The following C1D variants were observed in gnomAD, a reference collection of about 807,000 sequenced individuals.
The protein encoded by C1D is C1D nuclear receptor corepressor, also known as nuclear nucleic acid-binding protein C1D.
In C1D, 10 loss-of-function variants were observed where a neutral mutation model predicts 17.5. That is an observed-to-expected ratio of 0.57 (90% confidence interval 0.35 to 0.97). The LOEUF is 0.97. Ranked by LOEUF, C1D falls within the 50% of genes least tolerant of loss-of-function variation. C1D has a pLI of 0.01. For synonymous variants in C1D, 49 were observed against 54.0 expected (o/e 0.91, Z 0.40); for missense variants, 136 against 160.1 (o/e 0.85, Z 0.81).
chr2:68,047,386 A>G, intron 1 of C1D, 67 bp from the exon 2 acceptor site: 1 of 1,272,238 alleles, frequency 7.9e-7, no homozygotes, highest in Middle Eastern at 1.9e-4. Context: ...TCCAAAAAAA[A>G]AAATCAATAG....
At chr2:68,053,126 C>A in intron 1 of C1D, 1 of 1,550,906 alleles carries the variant, frequency 6.4e-7, no homozygotes, top group Non-Finnish European at 8.7e-7. Flanking sequence ...CATACTCCTT[C>A]TAAAACACTG....
chr2:68,046,337 C>T lies in C1D; in HGVS notation c.205+7G>A, dbSNP rs1219865208. ...CTTTCTAATTAATTCCAAAGTAACACACATACCCCAAAACATTGAATTTAA... is the reference window on the plus strand; with the variant it reads ...CTTTCTAATTAATTCCAAAGTAACATACATACCCCAAAACATTGAATTTAA... On this transcript the variant is annotated splice_region_variant and intron_variant, in intron 3 of 4. Coordinates refer to ENST00000410067, the MANE Select transcript of C1D (RefSeq NM_173177.3). 4.4e-6 allele frequency: 7 copies of T among 1,604,066 alleles called. No homozygotes were observed. The highest frequency in any genetic ancestry group is 6.0e-6 in the Non-Finnish European group (7 of 1,172,972).
chr2:68,054,277 C>CTT (rs1671374473), intron 1 of C1D, among the ~76,000 whole-genome samples: 6 of 152,176 alleles, frequency 3.9e-5, no homozygotes, highest in Non-Finnish European at 8.8e-5. Flanking sequence ...AGCTGGAGAA[C>CTT]AGAAGCATCA....
At chr2:68,061,954 G>C (rs1230433357) in intron 1 of C1D, among the ~76,000 whole-genome samples, 3 of 152,190 alleles carry the variant, frequency 2.0e-5, no homozygotes, top group Admixed American at 6.5e-5. Flanking sequence ...ACAAAACAAT[G>C]AGTTCTATCA....
At chr2:68,055,662 T>C (rs376245634) in intron 1 of C1D, among the ~76,000 whole-genome samples, 10 of 152,196 alleles carry the variant, frequency 6.6e-5, no homozygotes, top group East Asian at 3.8e-4. Flanking sequence ...TTATTGATAA[T>C]TCTGTCATCT....
In C1D at chr2:68,041,317, T is replaced by G. The variant is rs1039082899; in HGVS notation, c.*1572A>C. 2.0e-5 allele frequency: 3 copies of G among 152,074 alleles called. No homozygotes were observed. Among genetic ancestry groups the G allele is most frequent in the Non-Finnish European group, 4.4e-5 (3 of 67,894 alleles). 9.4% of individuals were successfully genotyped at this position (152,074 alleles called of 1,614,324 possible). ...TTAGCTAAAACCAATAATGATTTTC[T>G]GCAATTGTATAACATTTTTCATTTA... On this transcript the variant is annotated 3_prime_UTR_variant, in exon 5 of 5. Transcript: ENST00000410067.
intron 3 of C1D, 131 bp from the exon 4 acceptor site, chr2:68,046,174 T>C (rs7565872): frequency 2.4e-6 from 2 of 824,796 alleles, no homozygotes; most frequent in Non-Finnish European, 3.8e-6. Flanking sequence ...TCAATTTCCA[T>C]GTAATACTAA....
At chr2:68,053,541 T>A (rs1046827007) in intron 1 of C1D, among the ~76,000 whole-genome samples, 13 of 152,344 alleles carry the variant, frequency 8.5e-5, no homozygotes, top group African/African-American at 3.1e-4. Context: ...GTCCCTATTA[T>A]CAATTTTTCT....
intron 4 of C1D, among the ~76,000 whole-genome samples, chr2:68,045,668 A>G (rs1343149826): frequency 6.6e-6 from 1 of 151,840 alleles, no homozygotes; most frequent in Non-Finnish European, 1.5e-5. Context: ...ATATACTTTT[A>G]AGAACTGTAC....
At chr2:68,049,196 C>CAAAA (rs372795126) in intron 1 of C1D, among the ~76,000 whole-genome samples, 5 of 92,488 alleles carry the variant, frequency 5.4e-5, no homozygotes, top group African/African-American at 1.6e-4. Context: ...GACTGTCTCT[C>CAAAA]AAAAAAAAAA....
intron 4 of C1D, among the ~76,000 whole-genome samples, chr2:68,045,420 C>T (rs967739022): frequency 1.3e-5 from 2 of 152,076 alleles, no homozygotes; most frequent in African/African-American, 4.8e-5. Flanking sequence ...AGATACCAGA[C>T]CTTATATACT....
intron 1 of C1D, among the ~76,000 whole-genome samples, chr2:68,060,189 A>C (rs189413023): frequency 1.3e-3 from 192 of 152,302 alleles, no homozygotes; most frequent in African/African-American, 4.3e-3. Context: ...AAATACATCT[A>C]AAATTAAACT....
intron 1 of C1D, among the ~76,000 whole-genome samples, chr2:68,054,037 A>C (rs1313692134): frequency 2.0e-5 from 3 of 152,156 alleles, no homozygotes; most frequent in African/African-American, 2.4e-5. Context: ...CTTTGACTAC[A>C]TGCTCCTTGA....
intron 4 of C1D, among the ~76,000 whole-genome samples, chr2:68,045,502 G>A (rs919170852): frequency 6.6e-6 from 1 of 152,148 alleles, no homozygotes; most frequent in African/African-American, 2.4e-5. Context: ...TATGTCTAAT[G>A]CAGAATTACT....
intron 1 of C1D, among the ~76,000 whole-genome samples, chr2:68,055,369 T>G (rs1419226632): frequency 6.6e-6 from 1 of 151,760 alleles, no homozygotes; most frequent in Non-Finnish European, 1.5e-5. Flanking sequence ...ATCCAAAGGA[T>G]AGAGGAACAA....
At chr2:68,062,152 T>C (rs1671650446) in intron 1 of C1D, among the ~76,000 whole-genome samples, 1 of 152,188 alleles carries the variant, frequency 6.6e-6, no homozygotes, top group South Asian at 2.1e-4. Context: ...TATCAAAACA[T>C]CTCGTGTACC....
rs950344477 is a variant in C1D, at chr2:68,046,181, C to T, written c.206-138G>A. ...TAAATTATTCAATTTCCATGTAATA[C>T]TAAATCTATGTGTGGCTCACTGGCA... On this transcript the variant is annotated intron_variant, in intron 3 of 4. Transcript: ENST00000410067. 3 of 818,952 alleles carry T rather than the reference C, an allele frequency of 3.7e-6. No homozygotes were observed. In the African/African-American group the frequency reaches 5.3e-5, roughly 14 times the overall value. 50.7% of individuals were successfully genotyped at this position (818,952 alleles called of 1,614,324 possible).
intron 1 of C1D, among the ~76,000 whole-genome samples, chr2:68,051,972 C>T (rs1671295210): frequency 6.6e-6 from 1 of 151,686 alleles, no homozygotes; most frequent in Non-Finnish European, 1.5e-5. Flanking sequence ...CACTGCCTGA[C>T]AGTCAATACA....
chr2:68,055,134 A>G (rs1671402642), intron 1 of C1D, among the ~76,000 whole-genome samples: 1 of 152,240 alleles, frequency 6.6e-6, no homozygotes, highest in Non-Finnish European at 1.5e-5. Flanking sequence ...TGTAGAAGAA[A>G]TGACAACTTA....
Sources: allele counts gnomAD v4.1 joint callset (sites outside exome capture counted in the v4.1 genomes callset), GRCh38; gene constraint gnomAD v4.1.1; transcripts MANE v1.5; gene names NCBI Gene and HGNC (gene_info 2026-07-23, HGNC 2026-07-21).